HMGB3: variants seen among roughly 807,000 people sequenced by gnomAD.
HMGB3 encodes the protein high mobility group box 3.
In HMGB3, 1 loss-of-function variant was observed where a neutral mutation model predicts 12.9. The ratio of observed to expected loss-of-function variants is 0.08; its 90% CI spans 0.03 to 0.37. The LOEUF is 0.37. Among genes scored for constraint, HMGB3 ranks in the 10% least tolerant of loss-of-function variants. HMGB3 has a pLI of 0.99. For missense variants in HMGB3, 74 were observed against 153.3 expected, an observed-to-expected ratio of 0.48 and a Z score of 2.73; for synonymous variants, 61 against 53.9, an observed-to-expected ratio of 1.13 and a Z score of -0.57.
rs1286189001 is a variant in HMGB3 at position 150,989,890 on chromosome X, G to A, written c.*1976G>A. The A allele has an allele frequency of 8.9e-6, 1 of 111,844 alleles. No individual in the cohort carries two copies. Among genetic ancestry groups the A allele is most frequent in the African/African-American group, 3.3e-5 (1 of 30,765 alleles). 9.2% of individuals were successfully genotyped at this position (111,844 alleles called of 1,213,427 possible). ...AGTACGAGTTATGGTCACGGTCACA[G>A]CCTGATCTCTTATGTGTTCATAGCC... On this transcript the variant is annotated 3_prime_UTR_variant, in exon 5 of 5. Coordinates refer to ENST00000325307, the MANE Select transcript of HMGB3 (RefSeq NM_005342.4).
In HMGB3 at chrX:150,988,807, C is replaced by T. The variant is rs1157650371; in HGVS notation, c.*893C>T. ...ATAACAGTCAATTTCTGACTCACAGCAGTGAACAAACCCCCACTCCATTGT... is the reference window on the plus strand; with the variant it reads ...ATAACAGTCAATTTCTGACTCACAGTAGTGAACAAACCCCCACTCCATTGT... On this transcript the variant is annotated 3_prime_UTR_variant, in exon 5 of 5. Transcript: ENST00000325307. 1 of 112,246 alleles carries T rather than the reference C, an allele frequency of 8.9e-6. No individual in the cohort carries two copies. The highest frequency in any genetic ancestry group is 3.2e-5 in the African/African-American group (1 of 30,835). The allele number at this position is 112,246 out of a possible 1,213,427, so 9.3% of individuals were successfully genotyped here. A position where few individuals can be genotyped will look rare whatever the true frequency, so the allele number is the denominator to read the frequency against.
rs1419855520 is a variant in HMGB3, at chrX:150,990,692, GTTC to G, written c.*2781_*2783del. Reference sequence around the variant, plus strand: ...TTGTCTGTGTCTCCTGTGTGTGTCTGTTCTTGTCACAAATGTATTTGGGGACGT... The same window carrying G: ...TTGTCTGTGTCTCCTGTGTGTGTCTGTTGTCACAAATGTATTTGGGGACGT... On this transcript the variant is annotated 3_prime_UTR_variant, in exon 5 of 5. Transcript: ENST00000325307. 9.0e-6 allele frequency: 1 copy of G among 111,485 alleles called. No homozygotes were observed. The highest frequency in any genetic ancestry group is 1.9e-5 in the Non-Finnish European group (1 of 53,132). The allele number at this position is 111,485 out of a possible 1,213,427, so 9.2% of individuals were successfully genotyped here.
intron 1 of HMGB3, among the ~76,000 whole-genome samples, chrX:150,984,866 C>A (rs1216976959): frequency 4.5e-5 from 5 of 112,052 alleles, no homozygotes; most frequent in African/African-American, 1.6e-4. Flanking sequence ...TGACATGCCG[C>A]AGCTGCATTT....
chrX:150,981,572 C>T (rs1198994373), upstream of HMGB3, among the ~76,000 whole-genome samples: 1 of 108,303 alleles, frequency 9.2e-6, no homozygotes, highest in African/African-American at 3.4e-5. Flanking sequence ...CAGGTTAAAG[C>T]GATTCTCCTG....
chrX:150,985,221 T>C (rs782653885), intron 1 of HMGB3, among the ~76,000 whole-genome samples: 13 of 111,924 alleles, frequency 1.2e-4, no homozygotes, highest in Admixed American at 6.6e-4. Context: ...TTCAAGCTTC[T>C]ATCACCCCCA....
chrX:150,987,849 G>A lies in HMGB3; in HGVS notation c.538G>A (p.Val180Met), dbSNP rs2048069145. The change falls in exon 5 of 5, where the codon GTG becomes ATG. Residue 180 changes from valine to methionine, a missense_variant. Coordinates refer to ENST00000325307, the MANE Select transcript of HMGB3 (RefSeq NM_005342.4). ...KGPAKVARKK[V>M]EEEDEEEEEE... ...TCCTGCTAAAGTTGCCCGGAAAAAG[G>A]TGGAAGAGGAAGATGAAGAAGAGGA... The A allele has an allele frequency of 8.3e-7, 1 of 1,201,381 alleles. No individual in the cohort carries two copies. The highest frequency in any genetic ancestry group is 1.8e-5 in the South Asian group (1 of 56,508).
At chrX:150,983,286 A>G, upstream of HMGB3, 1 of 755,344 alleles carries the variant, frequency 1.3e-6, no homozygotes, top group Non-Finnish European at 1.6e-6. Context: ...CTGGCCAATC[A>G]GGCGGCTCTC....
In HMGB3 at chrX:150,987,936, T is replaced by TTG. The variant is rs782312537; in HGVS notation, c.*25_*26dup. The TTG allele has an allele frequency of 1.3e-5, 15 of 1,182,653 alleles. No individual in the cohort carries two copies. Among genetic ancestry groups the TTG allele is most frequent in the Non-Finnish European group, 1.7e-5 (15 of 885,898 alleles). ...ATAAAGAAACTGTTTATCTGTCTCC[T>TTG]TGTGAATACTTAGAGTAGGGGAGCG... On this transcript the variant is annotated 3_prime_UTR_variant, in exon 5 of 5. Transcript: ENST00000325307.
In HMGB3 at chrX:150,990,095, A is replaced by G. The variant is rs782122783; in HGVS notation, c.*2181A>G. ...TCTAAGCTAAAGCTTTAGCTTCCCA[A>G]TTCGTGATGTGCTAGGCCAAGATTC... On this transcript the variant is annotated 3_prime_UTR_variant, in exon 5 of 5. Transcript: ENST00000325307. 2 of 112,150 alleles carry G rather than the reference A, an allele frequency of 1.8e-5. No individual in the cohort carries two copies. Among genetic ancestry groups the G allele is most frequent in the South Asian group, 7.5e-4 (2 of 2,674 alleles). The allele number at this position is 112,150 out of a possible 1,213,427, so 9.2% of individuals were successfully genotyped here.
chrX:150,987,378 G>C, intron 4 of HMGB3, 76 bp downstream of exon 4: 1 of 886,704 alleles, frequency 1.1e-6, no homozygotes, highest in Admixed American at 3.0e-5. Flanking sequence ...GCATGTGGCA[G>C]CTTTGCTGGG....
At position 150,988,266 on chromosome X, in the gene HMGB3, T is replaced by G. The variant is rs994933042; in HGVS notation, c.*352T>G. 13 of 142,967 alleles carry G rather than the reference T, an allele frequency of 9.1e-5. No individual in the cohort carries two copies. Among genetic ancestry groups the G allele is most frequent in the Non-Finnish European group, 2.8e-5 (2 of 72,525 alleles). 11.8% of individuals were successfully genotyped at this position (142,967 alleles called of 1,213,427 possible). A position where few individuals can be genotyped will look rare whatever the true frequency, so the allele number is the denominator to read the frequency against. On this transcript the variant is annotated 3_prime_UTR_variant, in exon 5 of 5. Transcript: ENST00000325307. ...TTTTTATTTGTAAGGTGGTGGTAAC[T>G]ATGGTTATTGGCTAGAAATCCTGAG...
In HMGB3 at chrX:150,987,085, A is replaced by G. The variant is rs781817950; in HGVS notation, c.291-43A>G. 123 of 1,083,721 alleles carry G rather than the reference A, an allele frequency of 1.1e-4. 1 individual carries two copies. The highest frequency in any genetic ancestry group is 2.0e-4 in the South Asian group (9 of 45,930). The allele number at this position is 1,083,721 out of a possible 1,213,427, so 89.3% of individuals were successfully genotyped here. A position where few individuals can be genotyped will look rare whatever the true frequency, so the allele number is the denominator to read the frequency against. On this transcript the variant is annotated intron_variant, in intron 3 of 4. Transcript: ENST00000325307. ...AATGTGGGATTTCAACTTTAACTCA[A>G]ATTTTTTGTGGTTTCTCATGTAATG... is the stretch of plus-strand genomic sequence containing the variant.
intron 3 of HMGB3, 137 bp downstream of exon 3, chrX:150,986,327 C>T: frequency 2.1e-6 from 1 of 473,494 alleles, no homozygotes; most frequent in Non-Finnish European, 3.4e-6. Context: ...AATACCTCTG[C>T]AAACCATTCT....
intron 1 of HMGB3, chrX:150,984,678 G>A: frequency 4.2e-6 from 2 of 472,858 alleles, no homozygotes; most frequent in Non-Finnish European, 5.2e-6. Flanking sequence ...CGGGCTGCCT[G>A]CTGCCGGCCG....
At chrX:150,986,579 C>T (rs1260142791) in intron 3 of HMGB3, among the ~76,000 whole-genome samples, 3 of 70,227 alleles carry the variant, frequency 4.3e-5, no homozygotes, top group African/African-American at 8.8e-5. Flanking sequence ...TATATGCATA[C>T]ACACACACAG....
intron 1 of HMGB3, chrX:150,983,659 C>A (rs1297327207): frequency 6.1e-5 from 43 of 706,766 alleles, no homozygotes; most frequent in Non-Finnish European, 7.2e-5. Flanking sequence ...TCGGCGGACG[C>A]CCGCCCGTGG....
chrX:150,984,018 C>T (rs1342522988), intron 1 of HMGB3, among the ~76,000 whole-genome samples: 1 of 100,727 alleles, frequency 9.9e-6, no homozygotes, highest in African/African-American at 3.5e-5. Flanking sequence ...CGCGGGCCGG[C>T]CGCCCCCCTC....
Position 150,988,447 on chromosome X carries a change from G to C in HMGB3, c.*533G>C, listed in dbSNP as rs953846529. The C allele has an allele frequency of 1.8e-5, 2 of 112,313 alleles. No homozygotes were observed. The highest frequency in any genetic ancestry group is 3.3e-5 in the African/African-American group (1 of 30,735). The allele number at this position is 112,313 out of a possible 1,213,427, so 9.3% of individuals were successfully genotyped here. A position where few individuals can be genotyped will look rare whatever the true frequency, so the allele number is the denominator to read the frequency against. ...CTGTGAGGCTGGACCTGTTGACTCT[G>C]CAGGGGGCATCCATTTAGCTTCAGG... On this transcript the variant is annotated 3_prime_UTR_variant, in exon 5 of 5. Coordinates refer to ENST00000325307, the MANE Select transcript of HMGB3 (RefSeq NM_005342.4).
At chrX:150,984,288 G>A (rs2048024968) in intron 1 of HMGB3, among the ~76,000 whole-genome samples, 1 of 93,002 alleles carries the variant, frequency 1.1e-5, no homozygotes, top group Non-Finnish European at 2.2e-5. Flanking sequence ...GGGGCGGGGA[G>A]GTCCGGCCCG....
Sources: allele counts gnomAD v4.1 joint callset (sites outside exome capture counted in the v4.1 genomes callset), GRCh38; gene constraint gnomAD v4.1.1; transcripts MANE v1.5; gene names NCBI Gene and HGNC (gene_info 2026-07-23, HGNC 2026-07-21).